The following DSCAML1 variants were observed in gnomAD, a reference collection of about 807,000 sequenced individuals.
DSCAML1 encodes cell adhesion molecule DSCAML1.
DSCAML1 carries 38 observed loss-of-function variants against 200.5 expected under a neutral mutation model. That is an observed-to-expected ratio of 0.19 (90% CI 0.15 to 0.25). The LOEUF is 0.25. DSCAML1 is among the 10% of genes least tolerant of loss of function. The probability of loss-of-function intolerance (pLI) is 1.00; values close to 1 mark genes in which losing one functional copy is unlikely to be tolerated. For missense variants in DSCAML1, 2,223 were observed against 2,858.8 expected, an observed-to-expected ratio of 0.78 and a Z score of 5.07; for synonymous variants, 1,215 against 1,165.0, an observed-to-expected ratio of 1.04 and a Z score of -0.87.
chr11:117,795,804 A>G (rs931958433), intron 1 of DSCAML1, among the ~76,000 whole-genome samples: 1 of 152,156 alleles, frequency 6.6e-6, no homozygotes, highest in Non-Finnish European at 1.5e-5. Flanking sequence ...CCGGCAGGGC[A>G]GGGTTGGACC....
intron 20 of DSCAML1, among the ~76,000 whole-genome samples, chr11:117,445,923 G>T (rs1429849292): frequency 6.6e-6 from 1 of 151,882 alleles, no homozygotes; most frequent in East Asian, 1.9e-4. Context: ...GTGGATCAAA[G>T]GTTTTTGAAA....
At chr11:117,502,838 C>T (rs151271966) in intron 11 of DSCAML1, among the ~76,000 whole-genome samples, 5 of 152,246 alleles carry the variant, frequency 3.3e-5, no homozygotes, top group African/African-American at 9.6e-5. Flanking sequence ...GGCCCTATTA[C>T]GAGCCCAACC....
chr11:117,494,399 G>A (rs1302667788), intron 11 of DSCAML1, among the ~76,000 whole-genome samples: 1 of 152,230 alleles, frequency 6.6e-6, no homozygotes, highest in Admixed American at 6.5e-5. Context: ...ACTGAACCCT[G>A]CCCTGAGATT....
chr11:117,540,118 G>A lies in DSCAML1; in HGVS notation c.512-7596C>T, dbSNP rs545977307. Reference sequence around the variant, plus strand: ...AGAAAGTAGAATGGTGGTTGCTAGGGGCTAGAGGGAGGGAAAAGGGGGAGT... The same window carrying A: ...AGAAAGTAGAATGGTGGTTGCTAGGAGCTAGAGGGAGGGAAAAGGGGGAGT... On this transcript the variant is annotated intron_variant, in intron 3 of 32. Coordinates refer to ENST00000651296, the MANE Select transcript of DSCAML1 (RefSeq NM_020693.4). Among the ~76,000 whole-genome samples the A allele has an allele frequency of 3.4e-4, 52 of 152,326 alleles. 1 individual carries two copies. The South Asian group carries it at 0.011, about 32-fold the overall frequency.
intron 3 of DSCAML1, among the ~76,000 whole-genome samples, chr11:117,733,764 T>C (rs4142636): frequency 0.81 from 121,831 of 151,112 alleles, 51,824 homozygotes; most frequent in Non-Finnish European, 0.94. Context: ...AGGAACCGAT[T>C]GCATGCATGT....
At chr11:117,607,670 G>A (rs1261779131) in intron 3 of DSCAML1, among the ~76,000 whole-genome samples, 1 of 152,212 alleles carries the variant, frequency 6.6e-6, no homozygotes, top group Non-Finnish European at 1.5e-5. Context: ...GGCTCTCAGA[G>A]AGCAGCCCCC....
At chr11:117,694,404 T>G (rs1415839856) in intron 3 of DSCAML1, among the ~76,000 whole-genome samples, 1 of 147,468 alleles carries the variant, frequency 6.8e-6, no homozygotes, top group Non-Finnish European at 1.5e-5. Context: ...AGACTCCATC[T>G]CAAAAGAAAA....
At chr11:117,554,627 T>C (rs1019275102) in intron 3 of DSCAML1, among the ~76,000 whole-genome samples, 3 of 152,220 alleles carry the variant, frequency 2.0e-5, no homozygotes, top group Admixed American at 2.0e-4. Context: ...ACCACCTGCC[T>C]TGGCCTACCA....
chr11:117,587,262 C>CCA (rs796303967), intron 3 of DSCAML1, among the ~76,000 whole-genome samples: 20 of 150,674 alleles, frequency 1.3e-4, no homozygotes, highest in Admixed American at 7.9e-4. Flanking sequence ...AACCCCCCCC[C>CCA]ACGATTTAGA....
Position 117,683,376 on chromosome 11 carries a change from C to T in DSCAML1, c.511+93415G>A, listed in dbSNP as rs991998418. Among the ~76,000 whole-genome samples the T allele has an allele frequency of 2.0e-5, 3 of 152,224 alleles. No homozygotes were observed. The East Asian group carries it at 5.8e-4, about 29-fold the overall frequency. On this transcript the variant is annotated intron_variant, in intron 3 of 32. Transcript: ENST00000651296. ...GCCTCTAAGTTGAAAAGGCTAAGAG[C>T]ACAAGACCTACTGCGTGTAAAGTGA...
chr11:117,518,493 C>T lies in DSCAML1; in HGVS notation c.1483G>A (p.Glu495Lys). 1 of 1,614,230 alleles carries T rather than the reference C, an allele frequency of 6.2e-7. No individual in the cohort carries two copies. The highest frequency in any genetic ancestry group is 8.5e-7 in the Non-Finnish European group (1 of 1,180,042). Residue 495 changes from glutamate (E) to lysine (K), a missense_variant, in exon 7 of 33, where the codon GAA (glutamate) becomes AAA (lysine). Transcript: ENST00000651296. The surrounding 1 kb of genome is among the most constrained non-coding windows in gnomAD (Gnocchi z 6.3). ...CTTACGTTTATTCGCGCCTGATATT[C>T]AGCACTGCCCACCAAGTTCCGCGCT... is the stretch of plus-strand genomic sequence containing the variant. ...CTARNLVGSA[E>K]YQARINVRGP...
intron 11 of DSCAML1, among the ~76,000 whole-genome samples, chr11:117,486,285 T>G (rs150627005): frequency 0.017 from 2,447 of 147,888 alleles, 84 homozygotes; most frequent in African/African-American, 0.049. Flanking sequence ...GTGGCGGATG[T>G]GAAAATGGCA....
At chr11:117,668,023 A>T (rs1393786020) in intron 3 of DSCAML1, among the ~76,000 whole-genome samples, 4 of 152,220 alleles carry the variant, frequency 2.6e-5, no homozygotes, top group Non-Finnish European at 4.4e-5. Context: ...TCGCATTATT[A>T]TGCACTGAGG....
intron 3 of DSCAML1, among the ~76,000 whole-genome samples, chr11:117,567,688 G>C (rs1183286725): frequency 3.9e-5 from 6 of 152,172 alleles, no homozygotes; most frequent in Non-Finnish European, 8.8e-5. Flanking sequence ...AGCTGAATCT[G>C]TGAATAGACC....
chr11:117,774,883 A>G (rs1052493248), intron 3 of DSCAML1, among the ~76,000 whole-genome samples: 15 of 152,160 alleles, frequency 9.9e-5, no homozygotes, highest in African/African-American at 3.6e-4. Context: ...AGGGGAAAAC[A>G]CATTTACGGA....
At chr11:117,700,013 T>C (rs941606772) in intron 3 of DSCAML1, among the ~76,000 whole-genome samples, 5 of 151,972 alleles carry the variant, frequency 3.3e-5, no homozygotes, top group African/African-American at 7.2e-5. Context: ...AGTATTCAGT[T>C]TTGGGTGGGC....
intron 3 of DSCAML1, among the ~76,000 whole-genome samples, chr11:117,753,406 C>G (rs1386083934): frequency 6.6e-6 from 1 of 152,154 alleles, no homozygotes; most frequent in Non-Finnish European, 1.5e-5. Context: ...AATCTCAGAG[C>G]CTTATTCTTC....
intron 3 of DSCAML1, among the ~76,000 whole-genome samples, chr11:117,718,286 T>G (rs988479781): frequency 1.3e-5 from 2 of 152,092 alleles, no homozygotes; most frequent in African/African-American, 4.8e-5. Context: ...TCTGCCAAAG[T>G]GCTGGGAACC....
At chr11:117,709,933 C>T (rs141114695) in intron 3 of DSCAML1, among the ~76,000 whole-genome samples, 1 of 152,170 alleles carries the variant, frequency 6.6e-6, no homozygotes, top group African/African-American at 2.4e-5. Context: ...CAGCCAGGAC[C>T]TCCTTGGAGA....
Sources: allele counts gnomAD v4.1 joint callset (sites outside exome capture counted in the v4.1 genomes callset), GRCh38; gene constraint gnomAD v4.1.1; non-coding constraint Gnocchi (gnomAD v3.1); transcripts MANE v1.5; gene names NCBI Gene and HGNC (gene_info 2026-07-23, HGNC 2026-07-21).